Variants in SLC35F4 observed in about 807,000 individuals in gnomAD.
SLC35F4 encodes solute carrier family 35 member F4.
In SLC35F4, 24 loss-of-function variants were observed where a neutral mutation model predicts 44.2. The observed-to-expected ratio is 0.54, with a 90% confidence interval of 0.39 to 0.76. The LOEUF (loss-of-function observed/expected upper bound fraction) is 0.76, where lower values mean the gene tolerates loss of function less well. SLC35F4 is among the 30% of genes least tolerant of loss of function. SLC35F4 has a pLI of 0.00. For synonymous variants in SLC35F4, 238 were observed against 223.6 expected (o/e 1.06, Z -0.57); for missense variants, 562 against 586.1 (o/e 0.96, Z 0.42).
chr14:57,911,515 C>T (rs1369102674), intron 1 of SLC35F4, among the ~76,000 whole-genome samples: 3 of 151,914 alleles, frequency 2.0e-5, no homozygotes, highest in Non-Finnish European at 4.4e-5. Flanking sequence ...ATTTTGTCAA[C>T]TGCTTTTCTG....
intron 1 of SLC35F4, among the ~76,000 whole-genome samples, chr14:57,921,278 A>C (rs1276117211): frequency 6.6e-6 from 1 of 152,202 alleles, no homozygotes. Flanking sequence ...CAGAGGGATA[A>C]GAAGGCAGGA....
chr14:57,961,855 T>G (rs776633475), intron 1 of SLC35F4, among the ~76,000 whole-genome samples: 4 of 152,192 alleles, frequency 2.6e-5, no homozygotes, highest in Non-Finnish European at 4.4e-5. Context: ...TTATTATATG[T>G]CCTCATGGGC....
chr14:57,633,194 T>C lies in SLC35F4; in HGVS notation c.104-39070A>G, dbSNP rs142853509. Among the ~76,000 whole-genome samples the C allele has an allele frequency of 5.9e-5, 9 of 152,264 alleles. No homozygotes were observed. The East Asian group carries it at 1.4e-3, about 23-fold the overall frequency. On this transcript the variant is annotated intron_variant, in intron 1 of 7. Transcript: ENST00000556826. ...TTACAAAGAAAGCTGCTCTAAATAT[T>C]CATGTGCAGGATTTTTTGCAGACAT...
intron 1 of SLC35F4, among the ~76,000 whole-genome samples, chr14:57,846,406 GAAAC>G (rs1005414972): frequency 1.3e-5 from 2 of 152,092 alleles, no homozygotes; most frequent in East Asian, 1.9e-4. Context: ...ATTCAGTCCT[GAAAC>G]AAACAAACAA....
chr14:57,847,311 G>A (rs1455033247), intron 1 of SLC35F4, among the ~76,000 whole-genome samples: 1 of 152,070 alleles, frequency 6.6e-6, no homozygotes, highest in African/African-American at 2.4e-5. Flanking sequence ...TGTGCCTTGG[G>A]ATTTTTTTTC....
chr14:57,884,881 G>A (rs1465688165), intron 1 of SLC35F4, among the ~76,000 whole-genome samples: 3 of 152,022 alleles, frequency 2.0e-5, no homozygotes. Flanking sequence ...AACACAGAAG[G>A]TATAAACTTC....
chr14:57,861,842 C>G (rs1887706900), intron 1 of SLC35F4, among the ~76,000 whole-genome samples: 1 of 152,268 alleles, frequency 6.6e-6, no homozygotes, highest in Non-Finnish European at 1.5e-5. Context: ...TCTCCTGAAC[C>G]TCTTAATGTC....
chr14:57,940,476 G>A (rs969556975), intron 1 of SLC35F4, among the ~76,000 whole-genome samples: 1 of 151,746 alleles, frequency 6.6e-6, no homozygotes, highest in Non-Finnish European at 1.5e-5. Flanking sequence ...AAGCACTTTT[G>A]CCTCTCTTAT....
chr14:57,899,649 C>T (rs1485011036), intron 1 of SLC35F4, among the ~76,000 whole-genome samples: 3 of 152,206 alleles, frequency 2.0e-5, no homozygotes, highest in Non-Finnish European at 4.4e-5. Flanking sequence ...GAATGGAGCA[C>T]AGCTGAACTC....
chr14:57,613,630 C>T (rs978147893), intron 1 of SLC35F4, among the ~76,000 whole-genome samples: 7 of 152,164 alleles, frequency 4.6e-5, no homozygotes, highest in Non-Finnish European at 1.0e-4. Flanking sequence ...TCTATTTTTC[C>T]CAGAAGCTTC....
intron 1 of SLC35F4, among the ~76,000 whole-genome samples, chr14:57,777,184 G>A (rs1452961686): frequency 1.3e-5 from 2 of 152,242 alleles, no homozygotes; most frequent in African/African-American, 2.4e-5. Context: ...TGGTGCGAGT[G>A]TAAACTAGTT....
intron 1 of SLC35F4, among the ~76,000 whole-genome samples, chr14:57,742,591 CA>C (rs1431277637): frequency 6.6e-6 from 1 of 152,112 alleles, no homozygotes; most frequent in African/African-American, 2.4e-5. Context: ...TAGAGACGTA[CA>C]AAGAGACTAA....
intron 1 of SLC35F4, among the ~76,000 whole-genome samples, chr14:57,820,530 A>T (rs1883064239): frequency 6.6e-6 from 1 of 152,214 alleles, no homozygotes; most frequent in African/African-American, 2.4e-5. Context: ...AAAGCTATAT[A>T]TGTCTCAGTA....
intron 1 of SLC35F4, among the ~76,000 whole-genome samples, chr14:57,763,433 T>C (rs1043296005): frequency 7.2e-5 from 11 of 152,158 alleles, no homozygotes; most frequent in African/African-American, 2.7e-4. Context: ...AATAATACAG[T>C]GTTTAAGAGT....
chr14:57,751,136 A>G (rs1189989973), intron 1 of SLC35F4, among the ~76,000 whole-genome samples: 2 of 152,244 alleles, frequency 1.3e-5, no homozygotes, highest in African/African-American at 4.8e-5. Flanking sequence ...TACATAAAGT[A>G]CATATAATTA....
intron 4 of SLC35F4, among the ~76,000 whole-genome samples, chr14:57,575,528 T>C (rs1241889473): frequency 6.6e-6 from 1 of 152,164 alleles, no homozygotes; most frequent in Admixed American, 6.5e-5. Context: ...CCATTACCAT[T>C]ATCTGAACCT....
chr14:57,601,634 A>G (rs1365136090), intron 1 of SLC35F4, among the ~76,000 whole-genome samples: 2 of 152,208 alleles, frequency 1.3e-5, no homozygotes, highest in Admixed American at 6.5e-5. Context: ...AAGGAGTACT[A>G]ATGGTTATAT....
intron 4 of SLC35F4, among the ~76,000 whole-genome samples, chr14:57,577,104 G>A (rs78041668): frequency 0.055 from 8,372 of 152,250 alleles, 227 homozygotes; most frequent in Non-Finnish European, 0.059. Context: ...ATAAAGAGGA[G>A]CCAAAGGCAA....
chr14:57,796,520 G>T (rs2078057127), intron 1 of SLC35F4, among the ~76,000 whole-genome samples: 1 of 152,090 alleles, frequency 6.6e-6, no homozygotes, highest in Admixed American at 6.5e-5. Context: ...TTCTGCTTGT[G>T]CAACTTGTTT....
Sources: gnomAD v4.1 joint callset for allele counts (sites outside exome capture counted in the v4.1 genomes callset) on GRCh38, gnomAD v4.1.1 for gene constraint, MANE v1.5 for transcripts, NCBI Gene and HGNC (gene_info 2026-07-23, HGNC 2026-07-21) for gene names.